Variants in PZP observed in about 807,000 individuals in gnomAD.
PZP encodes the protein PZP alpha-2-macroglobulin like.
Under a neutral mutation model 179.8 loss-of-function variants are expected in PZP, and 150 were observed. The observed-to-expected ratio is 0.83, with a 90% confidence interval of 0.73 to 0.96. PZP has a LOEUF of 0.96. Among genes scored for constraint, PZP ranks in the 40% least tolerant of loss-of-function variants. The pLI, the probability that PZP is intolerant of heterozygous loss-of-function variation, is 0.00. For missense variants in PZP, 1,689 were observed against 1,764.0 expected, an observed-to-expected ratio of 0.96 and a Z score of 0.76; for synonymous variants, 624 against 652.3, an observed-to-expected ratio of 0.96 and a Z score of 0.66.
At chr12:9,141,606 C>T in the PZP span, among the ~76,000 whole-genome samples, 2 of 152,332 alleles carry the variant, frequency 1.3e-5, no homozygotes, top group African/African-American at 4.8e-5. Flanking sequence ...CCAAAACTTG[C>T]TTAAACCTTC....
intron 1 of PZP, among the ~76,000 whole-genome samples, chr12:9,207,345 C>A (rs928811410): frequency 6.6e-6 from 1 of 152,144 alleles, no homozygotes; most frequent in African/African-American, 2.4e-5. Context: ...TATTATTGGA[C>A]CCAAGAGTTC....
At chr12:9,198,226 C>CT (rs776118627) in intron 7 of PZP, among the ~76,000 whole-genome samples, 258 of 151,796 alleles carry the variant, frequency 1.7e-3, no homozygotes, top group Non-Finnish European at 3.1e-3. Flanking sequence ...TGACATGCAC[C>CT]TGTAGTCCTA....
intron 13 of PZP, among the ~76,000 whole-genome samples, chr12:9,185,635 G>T (rs1943050075): frequency 6.8e-6 from 1 of 146,394 alleles, no homozygotes; most frequent in African/African-American, 2.5e-5. Context: ...ACAATCATCA[G>T]ATTCACCAAG....
chr12:9,157,249 G>T lies in PZP; in HGVS notation c.3476C>A (p.Ala1159Asp). Residue 1159 changes from alanine (A) to aspartate (D), a missense_variant, in exon 28 of 36, where the codon GCT becomes GAT. Transcript: ENST00000261336. ...HVYTKALLAY[A>D]FSLLGKQNQN... is the part of the protein sequence containing the mutation. ...ATTTTGCTTTCCCAGTAGGGAAAAAGCATAGGCCAGCAATGCCTTGGTGTA... is the reference window on the plus strand; with the variant it reads ...ATTTTGCTTTCCCAGTAGGGAAAAATCATAGGCCAGCAATGCCTTGGTGTA... 1.2e-6 allele frequency: 2 copies of T among 1,614,150 alleles called. No homozygotes were observed. The highest frequency in any genetic ancestry group is 1.7e-6 in the Non-Finnish European group (2 of 1,180,008).
chr12:9,200,520 T>G, intron 6 of PZP, 72 bp from the exon 7 acceptor site: 1 of 1,223,452 alleles, frequency 8.2e-7, no homozygotes, highest in Admixed American at 2.0e-5. Flanking sequence ...TTTCAGTATG[T>G]CTATAATTTT....
intron 22 of PZP, among the ~76,000 whole-genome samples, chr12:9,162,055 C>T (rs887792143): frequency 1.3e-5 from 2 of 152,038 alleles, no homozygotes; most frequent in Admixed American, 6.6e-5. Context: ...TCCCCCTGCC[C>T]GGCTCAAGCG....
Position 9,203,760 on chromosome 12 carries a change from G to A in PZP, c.267+8C>T. ...GCAGGGATAGCCAGCTGGCACCGTA[G>A]CACTCACAGTGAAGGAGACACAGTG... On this transcript the variant is annotated splice_region_variant and intron_variant, in intron 2 of 35. Coordinates refer to ENST00000261336, the MANE Select transcript of PZP (RefSeq NM_002864.3). 1 of 1,613,898 alleles carries A rather than the reference G, an allele frequency of 6.2e-7. No individual in the cohort carries two copies. The highest frequency in any genetic ancestry group is 8.5e-7 in the Non-Finnish European group (1 of 1,179,898).
At chr12:9,179,026 T>G (rs567935889) in intron 15 of PZP, among the ~76,000 whole-genome samples, 1 of 152,218 alleles carries the variant, frequency 6.6e-6, no homozygotes, top group Admixed American at 6.5e-5. Context: ...GATAAGTTGA[T>G]TGACCCTTTT....
chr12:9,191,040 T>C (rs909791583), intron 13 of PZP, among the ~76,000 whole-genome samples: 2 of 152,126 alleles, frequency 1.3e-5, no homozygotes, highest in Non-Finnish European at 2.9e-5. Context: ...ATTAGCTATA[T>C]AGAGAAATTT....
At chr12:9,141,380 A>G in the PZP span, among the ~76,000 whole-genome samples, 1 of 152,314 alleles carries the variant, frequency 6.6e-6, no homozygotes, top group African/African-American at 2.4e-5. Context: ...AACCTTGTAG[A>G]TACATTTACC....
At chr12:9,140,771 T>C in the PZP span, among the ~76,000 whole-genome samples, 3 of 152,148 alleles carry the variant, frequency 2.0e-5, no homozygotes, top group East Asian at 3.9e-4. Context: ...CATTCTTTAC[T>C]TACCACAGGT....
chr12:9,145,514 A>T (rs1939966219), downstream of PZP, among the ~76,000 whole-genome samples: 2 of 152,160 alleles, frequency 1.3e-5, no homozygotes, highest in African/African-American at 4.8e-5. Flanking sequence ...GTTTTAAAAC[A>T]TATTTTAGTT....
rs1479091758 is a variant in PZP at position 9,149,548 on chromosome 12, G to T, written c.4426+13C>A. ...ATGCCATCTAGTACTGGTCATAAGTGGTGAACTCTTACCTGTGCTGCAGGG... is the reference window on the plus strand; with the variant it reads ...ATGCCATCTAGTACTGGTCATAAGTTGTGAACTCTTACCTGTGCTGCAGGG... On this transcript the variant is annotated intron_variant, in intron 35 of 35. Transcript: ENST00000261336. 1 of 1,609,838 alleles carries T rather than the reference G, an allele frequency of 6.2e-7. No homozygotes were observed. The highest frequency in any genetic ancestry group is 1.1e-5 in the South Asian group (1 of 90,770).
At chr12:9,177,063 A>G (rs1231865866) in intron 15 of PZP, among the ~76,000 whole-genome samples, 1 of 152,216 alleles carries the variant, frequency 6.6e-6, no homozygotes, top group East Asian at 1.9e-4. Flanking sequence ...GACAGCTTCC[A>G]GAATTGCCCA....
At chr12:9,189,154 A>G (rs1943306633) in intron 13 of PZP, among the ~76,000 whole-genome samples, 1 of 152,206 alleles carries the variant, frequency 6.6e-6, no homozygotes, top group Non-Finnish European at 1.5e-5. Flanking sequence ...CTATTTAAAA[A>G]TGTATATGGA....
At chr12:9,177,425 G>A (rs1284993105) in intron 15 of PZP, among the ~76,000 whole-genome samples, 2 of 152,130 alleles carry the variant, frequency 1.3e-5, no homozygotes, top group Non-Finnish European at 2.9e-5. Context: ...CATGTTAATC[G>A]CAACCAGGGC....
intron 15 of PZP, among the ~76,000 whole-genome samples, chr12:9,178,647 T>C (rs1942551557): frequency 6.6e-6 from 1 of 152,212 alleles, no homozygotes; most frequent in Non-Finnish European, 1.5e-5. Context: ...CATCTCAAAC[T>C]ACAAAAATTA....
intron 13 of PZP, among the ~76,000 whole-genome samples, 192 bp downstream of exon 13, chr12:9,192,001 G>C (rs1298962639): frequency 6.6e-6 from 1 of 152,190 alleles, no homozygotes; most frequent in Non-Finnish European, 1.5e-5. Context: ...GACTGATACA[G>C]AGTAGACAAT....
chr12:9,185,042 C>T (rs1656639543), intron 13 of PZP, among the ~76,000 whole-genome samples: 1 of 152,222 alleles, frequency 6.6e-6, no homozygotes, highest in Non-Finnish European at 1.5e-5. Context: ...TCCAAACAAT[C>T]ACACCAGTTC....
Sources: gnomAD v4.1 joint callset for allele counts (sites outside exome capture counted in the v4.1 genomes callset) on GRCh38, gnomAD v4.1.1 for gene constraint, MANE v1.5 for transcripts, NCBI Gene and HGNC (gene_info 2026-07-23, HGNC 2026-07-21) for gene names.